Variants in PEX5L observed in about 807,000 individuals in gnomAD.
PEX5L encodes the protein PEX5-related protein.
Under a neutral mutation model 84.0 loss-of-function variants are expected in PEX5L, and 30 were observed. The observed-to-expected ratio is 0.36, with a 90% confidence interval of 0.27 to 0.48. The LOEUF (loss-of-function observed/expected upper bound fraction) is 0.48. PEX5L is among the 20% of genes least tolerant of loss of function. The pLI is 0.99. For synonymous variants in PEX5L, 270 were observed against 283.1 expected, an observed-to-expected ratio of 0.95 and a Z score of 0.46; for missense variants, 533 against 754.6, an observed-to-expected ratio of 0.71 and a Z score of 3.44.
At chr3:179,994,211 A>G (rs935545753) in intron 1 of PEX5L, among the ~76,000 whole-genome samples, 2 of 152,208 alleles carry the variant, frequency 1.3e-5, no homozygotes, top group Non-Finnish European at 2.9e-5. Context: ...GACCAGAAGA[A>G]TCACCCAGCC....
At chr3:179,972,743 T>C (rs1785074454) in intron 1 of PEX5L, among the ~76,000 whole-genome samples, 1 of 152,070 alleles carries the variant, frequency 6.6e-6, no homozygotes, top group African/African-American at 2.4e-5. Context: ...CAATTCTTAT[T>C]TTTTCCCCAT....
At chr3:179,986,397 A>ATTTTTTTTTTTTTTTTT (rs11344304) in intron 1 of PEX5L, among the ~76,000 whole-genome samples, 1 of 111,096 alleles carries the variant, frequency 9.0e-6, no homozygotes, top group African/African-American at 3.9e-5. Flanking sequence ...CCATTTAGTA[A>ATTTTTTTTTTTTTTTTT]TTTTTTTTTT....
intron 1 of PEX5L, among the ~76,000 whole-genome samples, chr3:180,012,267 A>C (rs1789555648): frequency 6.6e-6 from 1 of 152,184 alleles, no homozygotes. Flanking sequence ...GATAATAGAC[A>C]GATATTTTGC....
intron 1 of PEX5L, among the ~76,000 whole-genome samples, chr3:180,031,344 G>C (rs1791446621): frequency 6.6e-6 from 1 of 152,146 alleles, no homozygotes; most frequent in Admixed American, 6.5e-5. Context: ...GTATAGGTGA[G>C]GTGAGGTAGA....
At chr3:179,809,261 A>T (rs1182444807) in intron 12 of PEX5L, among the ~76,000 whole-genome samples, 1 of 152,092 alleles carries the variant, frequency 6.6e-6, no homozygotes, top group African/African-American at 2.4e-5. Flanking sequence ...AATGTCTGTG[A>T]GTGCCCACAA....
Position 179,835,723 on chromosome 3 carries a change from T to C in PEX5L, c.823-15747A>G, listed in dbSNP as rs149796967. 1.5e-4 allele frequency among the ~76,000 whole-genome samples: 23 copies of C among 152,308 alleles called. No individual in the cohort carries two copies. The East Asian group carries it at 4.2e-3, about 28-fold the overall frequency. On this transcript the variant is annotated intron_variant, in intron 8 of 14. Coordinates refer to ENST00000467460, the MANE Select transcript of PEX5L (RefSeq NM_016559.3). Reference sequence around the variant, plus strand: ...CTAAATATTTAAGGAAAATAAACGATAAACATGCTCTATTTTCATATGGGG... The same window carrying C: ...CTAAATATTTAAGGAAAATAAACGACAAACATGCTCTATTTTCATATGGGG...
At chr3:179,948,565 C>T (rs927494877) in intron 2 of PEX5L, among the ~76,000 whole-genome samples, 8 of 152,102 alleles carry the variant, frequency 5.3e-5, no homozygotes, top group African/African-American at 1.4e-4. Flanking sequence ...TGTGGATCCA[C>T]GGAGAGAATT....
chr3:180,003,051 G>A (rs1042612413), intron 1 of PEX5L, among the ~76,000 whole-genome samples: 1 of 152,132 alleles, frequency 6.6e-6, no homozygotes, highest in South Asian at 2.1e-4. Flanking sequence ...AGAAAAGAAC[G>A]ATAAAAATCG....
chr3:179,799,238 T>C lies in PEX5L; in HGVS notation c.*2590A>G, dbSNP rs1718143361. 1 of 152,138 alleles carries C rather than the reference T, an allele frequency of 6.6e-6. No homozygotes were observed. The highest frequency in any genetic ancestry group is 1.5e-5 in the Non-Finnish European group (1 of 68,020). The allele number at this position is 152,138 out of a possible 1,614,324, so 9.4% of individuals were successfully genotyped here. A position where few individuals can be genotyped will look rare whatever the true frequency, so the allele number is the denominator to read the frequency against. ...TGGCCTGTCACTCATGTTTTAATAATGGTTTTAACTTAATTTTATAAAAAA... is the reference window on the plus strand; with the variant it reads ...TGGCCTGTCACTCATGTTTTAATAACGGTTTTAACTTAATTTTATAAAAAA... On this transcript the variant is annotated 3_prime_UTR_variant, in exon 15 of 15. Transcript: ENST00000467460.
intron 7 of PEX5L, among the ~76,000 whole-genome samples, chr3:179,869,657 T>C (rs1393008656): frequency 2.6e-5 from 4 of 152,136 alleles, no homozygotes; most frequent in African/African-American, 9.7e-5. Context: ...GAAGCACAGG[T>C]AGGGACTTTC....
chr3:179,815,527 G>A (rs1272028746), intron 10 of PEX5L, among the ~76,000 whole-genome samples: 10 of 152,244 alleles, frequency 6.6e-5, no homozygotes, highest in Non-Finnish European at 8.8e-5. Flanking sequence ...GGAGGTTGCA[G>A]TGAGCAGAGA....
chr3:179,802,175 A>G (rs1560140438), intron 14 of PEX5L, 143 bp from the exon 15 acceptor site: 1 of 645,682 alleles, frequency 1.5e-6, no homozygotes, highest in Non-Finnish European at 2.7e-6. Context: ...TCAAATGAAC[A>G]ACTTTCTAAT....
At chr3:179,819,798 T>A in intron 9 of PEX5L, 62 bp downstream of exon 9, 1 of 1,424,080 alleles carries the variant, frequency 7.0e-7, no homozygotes, top group Admixed American at 1.7e-5. Context: ...GACTAATCTA[T>A]AAAATATGAT....
At chr3:179,900,852 A>G (rs1761075115) in intron 2 of PEX5L, 5 of 671,562 alleles carry the variant, frequency 7.4e-6, no homozygotes, top group East Asian at 5.5e-5. Context: ...AGTGCGGTAC[A>G]GTCTGAGGAC....
At chr3:179,971,463 C>CA in intron 2 of PEX5L, 131 bp downstream of exon 2, 1 of 1,278,112 alleles carries the variant, frequency 7.8e-7, no homozygotes. Context: ...TAGCTGCTCT[C>CA]AAAATCTTGT....
At chr3:179,974,310 T>A in intron 1 of PEX5L, 1 of 400,470 alleles carries the variant, frequency 2.5e-6, no homozygotes, top group Non-Finnish European at 3.4e-6. Context: ...AATCACTTCC[T>A]GTGCTCCTCC....
intron 2 of PEX5L, among the ~76,000 whole-genome samples, chr3:179,954,211 G>C (rs1010637953): frequency 5.2e-5 from 7 of 134,910 alleles, no homozygotes; most frequent in African/African-American, 1.1e-4. Flanking sequence ...AGTCGGGGGG[G>C]GGGGAAAAAG....
At chr3:179,916,596 A>C (rs936728674) in intron 2 of PEX5L, among the ~76,000 whole-genome samples, 1 of 152,042 alleles carries the variant, frequency 6.6e-6, no homozygotes, top group Non-Finnish European at 1.5e-5. Context: ...TATACAAAAA[A>C]TTTTTCTTTC....
intron 2 of PEX5L, among the ~76,000 whole-genome samples, chr3:179,955,884 GT>G (rs1391840165): frequency 6.6e-6 from 1 of 151,988 alleles, no homozygotes; most frequent in Non-Finnish European, 1.5e-5. Context: ...CCCTCCCAAA[GT>G]ACTACCGATG....
Sources: allele counts gnomAD v4.1 joint callset (sites outside exome capture counted in the v4.1 genomes callset), GRCh38; gene constraint gnomAD v4.1.1; transcripts MANE v1.5; gene names NCBI Gene and HGNC (gene_info 2026-07-23, HGNC 2026-07-21).